Variants in PPFIA3 observed in about 807,000 individuals in gnomAD.
The protein encoded by PPFIA3 is PPFI scaffold protein A3.
PPFIA3 carries 26 observed loss-of-function variants against 145.8 expected under a neutral mutation model. The ratio of observed to expected loss-of-function variants is 0.18; its 90% CI spans 0.13 to 0.25. PPFIA3 has a LOEUF of 0.25. Ranked by LOEUF, PPFIA3 falls within the 10% of genes least tolerant of loss-of-function variation. The pLI is 1.00. For synonymous variants in PPFIA3, 645 were observed against 661.4 expected, an observed-to-expected ratio of 0.98 and a Z score of 0.38; for missense variants, 1,008 against 1,587.8, an observed-to-expected ratio of 0.63 and a Z score of 6.21.
rs1295225947 is a variant in PPFIA3, at chr19:49,149,012, T to C, written c.3129T>C (p.Asn1043=). ...TQIRDVMVWS[N]ERVMGWVSGL... ...CCCCAGACGTGATGGTGTGGTCCAA[T>C]GAGCGGGTCATGGGTTGGGTGTCCG... The change falls in exon 26 of 30, where the codon AAT becomes AAC. Residue 1043 remains asparagine, a synonymous_variant. Coordinates refer to ENST00000334186, the MANE Select transcript of PPFIA3 (RefSeq NM_003660.4). This position sits in a 1 kb window ranked among gnomAD's most constrained non-coding sequence, Gnocchi z 5.7. 2.5e-6 allele frequency: 4 copies of C among 1,613,872 alleles called. No homozygotes were observed. The highest frequency in any genetic ancestry group is 1.3e-5 in the African/African-American group (1 of 74,892).
In PPFIA3 at chr19:49,143,607, A is replaced by C. The variant is rs145518248; in HGVS notation, c.2745+603A>C. ...AGACTGGTCTTGAACTCCCGACCTC[A>C]GGTGATCCGCCCGCCTCGGCCTCCC... On this transcript the variant is annotated intron_variant, in intron 21 of 29. Transcript: ENST00000334186. Among the ~76,000 whole-genome samples the C allele has an allele frequency of 1.7e-3, 257 of 152,220 alleles. 7 individuals carry two copies. The East Asian group carries it at 0.043, about 25-fold the overall frequency.
Position 49,139,948 on chromosome 19 carries a change from CCTG to C in PPFIA3, c.2241-10_2241-8del. ...CAGCAAGCATATGCTCTCATTCTCTCCTGCTTTCCCAGTGAGGGCACCCCAGAT... is the reference window on the plus strand; with the variant it reads ...CAGCAAGCATATGCTCTCATTCTCTCCTTTCCCAGTGAGGGCACCCCAGAT... On this transcript the variant is annotated splice_polypyrimidine_tract_variant and intron_variant, in intron 17 of 29. Transcript: ENST00000334186. 7 of 1,614,110 alleles carry C rather than the reference CCTG, an allele frequency of 4.3e-6. No homozygotes were observed. Among genetic ancestry groups the C allele is most frequent in the Non-Finnish European group, 5.9e-6 (7 of 1,180,036 alleles).
At position 49,138,340 on chromosome 19, in the gene PPFIA3, C is replaced by T. The variant is rs2041167527; in HGVS notation, c.1989C>T (p.Thr663=). 6.2e-7 allele frequency: 1 copy of T among 1,611,066 alleles called. No individual in the cohort carries two copies. Among genetic ancestry groups the T allele is most frequent in the East Asian group, 2.2e-5 (1 of 44,826 alleles). The part of the protein sequence containing the change: ...CSLPPSLTTS[T]LASPSPPSSG... Reference sequence around the variant, plus strand: ...TGCCCCCCTCCCTCACCACCTCTACCCTTGCCAGCCCCTCCCCTCCCAGCT... The same window carrying T: ...TGCCCCCCTCCCTCACCACCTCTACTCTTGCCAGCCCCTCCCCTCCCAGCT... The change falls in exon 16 of 30, where the codon ACC becomes ACT. Residue 663 remains threonine, a synonymous_variant. Transcript: ENST00000334186.
At chr19:49,122,733 TTGGC>T (rs2040951665) in intron 1 of PPFIA3, among the ~76,000 whole-genome samples, 1 of 126,782 alleles carries the variant, frequency 7.9e-6, no homozygotes. Flanking sequence ...TTTTTTTTTT[TTGGC>T]GGGGGATGGA....
intron 5 of PPFIA3, 87 bp downstream of exon 5, chr19:49,129,541 C>A: frequency 1.4e-6 from 2 of 1,387,098 alleles, no homozygotes; most frequent in Non-Finnish European, 2.0e-6. Flanking sequence ...GGGTGGGTTC[C>A]AGAGAGAATC....
Position 49,133,957 on chromosome 19 carries a change from C to A in PPFIA3, c.1246-77C>A. Reference sequence around the variant, plus strand: ...CTTAATAAGGAGGCTGGGCTGGGCCCGGGGGTGGGGCTTAGAGGAAGGGCC... The same window carrying A: ...CTTAATAAGGAGGCTGGGCTGGGCCAGGGGGTGGGGCTTAGAGGAAGGGCC... On this transcript the variant is annotated intron_variant, in intron 10 of 29. Coordinates refer to ENST00000334186, the MANE Select transcript of PPFIA3 (RefSeq NM_003660.4). The surrounding 1 kb of genome is among the most constrained non-coding windows in gnomAD (Gnocchi z 7.2). The A allele has an allele frequency of 6.3e-7, 1 of 1,593,686 alleles. No individual in the cohort carries two copies. The highest frequency in any genetic ancestry group is 8.6e-7 in the Non-Finnish European group (1 of 1,168,558).
chr19:49,126,877 G>A (rs1201004076), intron 1 of PPFIA3, among the ~76,000 whole-genome samples: 1 of 151,896 alleles, frequency 6.6e-6, no homozygotes, highest in Non-Finnish European at 1.5e-5. Flanking sequence ...CGATACCAGG[G>A]TCGGCCAGCT....
rs2041007283 is a variant in PPFIA3, at chr19:49,127,069, C to A, written c.-15-790C>A. ...GGATCCCTTGAGTCCAGGAGTGAGA[C>A]CTCATCTCCACAAAAAAAAAAAAAA... On this transcript the variant is annotated intron_variant, in intron 1 of 29. Transcript: ENST00000334186. Among the ~76,000 whole-genome samples the A allele has an allele frequency of 1.6e-5, 2 of 125,946 alleles. 1 individual carries two copies. Among genetic ancestry groups the A allele is most frequent in the Admixed American group, 1.7e-4 (2 of 11,744 alleles). 82.6% of individuals were successfully genotyped at this position (125,946 alleles called of 152,430 possible).
chr19:49,130,008 G>A lies in PPFIA3; in HGVS notation c.598G>A (p.Glu200Lys), dbSNP rs770035111. The A allele has an allele frequency of 6.2e-7, 1 of 1,613,754 alleles. No homozygotes were observed. Among genetic ancestry groups the A allele is most frequent in the East Asian group, 2.2e-5 (1 of 44,874 alleles). ...LSNQETLNLREQLSRRRSGLE... is the reference protein window; with the variant it reads ...LSNQETLNLRKQLSRRRSGLE... ...ACACTTCCAGACTCTGAACCTTCGA[G>A]AACAGCTGTCTAGGCGGCGGTCAGG... Residue 200 changes from glutamate (E) to lysine (K), a missense_variant, in exon 6 of 30, where the codon GAA becomes AAA. Around this residue, in one of 11 missense-constraint regions of PPFIA3, gnomAD observed 136 missense variants for 160.7 expected, o/e 0.85. Coordinates refer to ENST00000334186, the MANE Select transcript of PPFIA3 (RefSeq NM_003660.4). This position sits in a 1 kb window ranked among gnomAD's most constrained non-coding sequence, Gnocchi z 4.5.
intron 5 of PPFIA3, 54 bp from the exon 6 acceptor site, chr19:49,129,939 A>G: frequency 1.3e-6 from 2 of 1,582,698 alleles, no homozygotes; most frequent in Non-Finnish European, 1.7e-6. Flanking sequence ...AGTGAGAACT[A>G]GAGCTGGGGG....
intron 11 of PPFIA3, 110 bp downstream of exon 11, chr19:49,134,275 A>C: frequency 2.9e-6 from 4 of 1,394,362 alleles, no homozygotes; most frequent in Non-Finnish European, 3.9e-6. Flanking sequence ...GCCTCCCTAA[A>C]CCCCGGCATC....
chr19:49,135,929 C>A lies in PPFIA3; in HGVS notation c.1665+6C>A. The A allele has an allele frequency of 6.2e-7, 1 of 1,607,004 alleles. No homozygotes were observed. The highest frequency in any genetic ancestry group is 8.5e-7 in the Non-Finnish European group (1 of 1,176,900). ...TCAAGGAGGAGCCCTCCAAGGTCAG[C>A]AGCTGCCTCTGGGTCCTGGACTGAG... On this transcript the variant is annotated splice_donor_region_variant and intron_variant, in intron 14 of 29. Transcript: ENST00000334186.
chr19:49,136,957 A>C, intron 15 of PPFIA3, 46 bp downstream of exon 15: 1 of 1,436,432 alleles, frequency 7.0e-7, no homozygotes, highest in East Asian at 2.6e-5. Context: ...GCCGGAGCTG[A>C]CTCCACAGCC....
Position 49,127,851 on chromosome 19 carries a change from C to T in PPFIA3, c.-15-8C>T. The stretch of plus-strand genomic sequence containing the variant: ...GCCGGTCTGTTCCTTGCCCTCCCCG[C>T]CCCGCAGGCCCGCACCGCCGCCATG... On this transcript the variant is annotated splice_polypyrimidine_tract_variant and splice_region_variant and intron_variant, in intron 1 of 29. Transcript: ENST00000334186. 2.5e-6 allele frequency: 4 copies of T among 1,588,134 alleles called. No individual in the cohort carries two copies. The highest frequency in any genetic ancestry group is 3.4e-6 in the Non-Finnish European group (4 of 1,176,834).
At position 49,130,921 on chromosome 19, in the gene PPFIA3, G is replaced by A. The variant is rs957863836; in HGVS notation, c.879+322G>A. Reference sequence around the variant, plus strand: ...GTGTCGCCCAGGCTGGAGTGCAGTGGCGTGATCTTGGCTTACTGCCACCTC... The same window carrying A: ...GTGTCGCCCAGGCTGGAGTGCAGTGACGTGATCTTGGCTTACTGCCACCTC... On this transcript the variant is annotated intron_variant, in intron 7 of 29. Transcript: ENST00000334186. This position sits in a 1 kb window ranked among gnomAD's most constrained non-coding sequence, Gnocchi z 4.5. Among the ~76,000 whole-genome samples, 1 of 146,780 alleles carries A rather than the reference G, an allele frequency of 6.8e-6. No homozygotes were observed. Among genetic ancestry groups the A allele is most frequent in the Non-Finnish European group, 1.5e-5 (1 of 66,370 alleles).
At position 49,128,018 on chromosome 19, in the gene PPFIA3, G is replaced by T; in HGVS notation, c.145G>T (p.Ala49Ser). The part of the protein sequence containing the change: ...RERLLETLRE[A>S]QDGLATAQLR... ...GCGCCTGCTGGAGACGCTGCGCGAG[G>T]CACAGGACGGGTTGGCTACAGCGCA... Residue 49 changes from alanine to serine, a missense_variant, in exon 2 of 30, where the codon GCA becomes TCA. Ala to Ser is a moderately conservative substitution (Grantham distance 99, BLOSUM62 1). This residue lies in a region of PPFIA3 where 108 missense variants were observed against 144.3 expected (regional missense o/e 0.75). Transcript: ENST00000334186. This position sits in a 1 kb window ranked among gnomAD's most constrained non-coding sequence, Gnocchi z 4.1. 1 of 1,596,876 alleles carries T rather than the reference G, an allele frequency of 6.3e-7. No homozygotes were observed. Among genetic ancestry groups the T allele is most frequent in the Non-Finnish European group, 8.5e-7 (1 of 1,179,176 alleles).
rs1259742563 is a variant in PPFIA3, at chr19:49,130,042, A to G, written c.632A>G (p.Glu211Gly). ...TCTAGGCGGCGGTCAGGGCTGGAAG[A>G]GCCGGGCAAGGATGGGGATGGGCAG... ...QLSRRRSGLE[E>G]PGKDGDGQTL... The change falls in exon 6 of 30, where the codon GAG (glutamate) becomes GGG (glycine). Residue 211 changes from glutamate to glycine, a missense_variant. Glu to Gly is a moderately conservative substitution (Grantham distance 98). Transcript: ENST00000334186. This position sits in a 1 kb window ranked among gnomAD's most constrained non-coding sequence, Gnocchi z 4.5. The G allele has an allele frequency of 6.2e-7, 1 of 1,613,080 alleles. No homozygotes were observed. Among genetic ancestry groups the G allele is most frequent in the African/African-American group, 1.3e-5 (1 of 74,948 alleles).
intron 21 of PPFIA3, among the ~76,000 whole-genome samples, chr19:49,144,891 C>T (rs1297329098): frequency 6.6e-6 from 1 of 151,714 alleles, no homozygotes; most frequent in African/African-American, 2.4e-5. Flanking sequence ...CACCTAAGGG[C>T]ATTCACATTG....
chr19:49,138,474 G>A, intron 16 of PPFIA3, 47 bp downstream of exon 16: 1 of 1,424,200 alleles, frequency 7.0e-7, no homozygotes, highest in East Asian at 2.5e-5. Context: ...ATGGGGAGAG[G>A]TCAGAGGCAG....
Sources: allele counts gnomAD v4.1 joint callset (sites outside exome capture counted in the v4.1 genomes callset), GRCh38; gene constraint gnomAD v4.1.1; regional missense constraint gnomAD v4.1.1; non-coding constraint Gnocchi (gnomAD v3.1); transcripts MANE v1.5; gene names NCBI Gene and HGNC (gene_info 2026-07-23, HGNC 2026-07-21).